Variants in ANTXR2 observed in about 807,000 individuals in gnomAD.
The protein encoded by ANTXR2 is ANTXR cell adhesion molecule 2.
In ANTXR2, 44 loss-of-function variants were observed where a neutral mutation model predicts 73.7. The ratio of observed to expected loss-of-function variants is 0.60; its 90% CI spans 0.47 to 0.77. The LOEUF is 0.77. Among genes scored for constraint, ANTXR2 ranks in the 30% least tolerant of loss-of-function variants. ANTXR2 has a pLI of 0.00. For synonymous variants in ANTXR2, 217 were observed against 205.9 expected (o/e 1.05, Z -0.46); for missense variants, 604 against 592.5 (o/e 1.02, Z -0.20).
Position 80,033,646 on chromosome 4 carries a change from T to C in ANTXR2, c.698-76A>G, listed in dbSNP as rs934349022. On this transcript the variant is annotated intron_variant, in intron 8 of 16. Transcript: ENST00000403729. ...TAAAAAACACAAGCTGAAATGAAAGTATTAAGGTGCAAAGAATAATTTTTT... is the reference window on the plus strand; with the variant it reads ...TAAAAAACACAAGCTGAAATGAAAGCATTAAGGTGCAAAGAATAATTTTTT... 19 of 1,078,822 alleles carry C rather than the reference T, an allele frequency of 1.8e-5. No homozygotes were observed. The African/African-American group carries it at 2.3e-4, about 13-fold the overall frequency. The allele number at this position is 1,078,822 out of a possible 1,614,324, so 66.8% of individuals were successfully genotyped here. A position where few individuals can be genotyped will look rare whatever the true frequency, so the allele number is the denominator to read the frequency against.
At chr4:79,973,424 T>A (rs1363170862) in intron 16 of ANTXR2, among the ~76,000 whole-genome samples, 1 of 58,088 alleles carries the variant, frequency 1.7e-5, no homozygotes, top group Non-Finnish European at 5.5e-5. Context: ...TAAATTTGGA[T>A]TTTTTTTTTT....
intron 16 of ANTXR2, among the ~76,000 whole-genome samples, chr4:79,948,527 A>G (rs139347550): frequency 1.3e-5 from 2 of 152,344 alleles, no homozygotes; most frequent in African/African-American, 2.4e-5. Flanking sequence ...ACAGATGCCT[A>G]TGAATAGGGT....
chr4:79,943,707 C>A, intron 16 of ANTXR2, among the ~76,000 whole-genome samples: 2 of 142,604 alleles, frequency 1.4e-5, no homozygotes, highest in Admixed American at 7.0e-5. Flanking sequence ...GCACAATGTG[C>A]ACATGTACCC....
Position 79,905,511 on chromosome 4 carries a change from T to G in ANTXR2, c.*1918A>C, listed in dbSNP as rs1726866907. 1 of 152,228 alleles carries G rather than the reference T, an allele frequency of 6.6e-6. No homozygotes were observed. Among genetic ancestry groups the G allele is most frequent in the Non-Finnish European group, 1.5e-5 (1 of 68,026 alleles). The allele number at this position is 152,228 out of a possible 1,614,324, so 9.4% of individuals were successfully genotyped here. ...CATCCCTGAAACTAAGCATAACAAC[T>G]GCATATTCAACCCAAGAAGGCATTA... On this transcript the variant is annotated 3_prime_UTR_variant, in exon 17 of 17. Transcript: ENST00000403729.
intron 16 of ANTXR2, among the ~76,000 whole-genome samples, chr4:79,933,631 A>G (rs887142409): frequency 6.6e-6 from 1 of 151,364 alleles, no homozygotes; most frequent in East Asian, 2.0e-4. Flanking sequence ...TACATGTGCC[A>G]TGTTGGTGTG....
chr4:80,052,913 C>T (rs899609591), intron 7 of ANTXR2, among the ~76,000 whole-genome samples: 1 of 151,362 alleles, frequency 6.6e-6, no homozygotes, highest in Non-Finnish European at 1.5e-5. Flanking sequence ...TAGTTATTAC[C>T]CATAAAAATA....
chr4:79,981,762 T>A (rs1399822588), intron 14 of ANTXR2, among the ~76,000 whole-genome samples: 1 of 152,202 alleles, frequency 6.6e-6, no homozygotes, highest in Non-Finnish European at 1.5e-5. Context: ...TTCATTCTCA[T>A]TCTCATTTCC....
At chr4:79,963,385 T>A (rs1729221711) in intron 16 of ANTXR2, among the ~76,000 whole-genome samples, 1 of 152,142 alleles carries the variant, frequency 6.6e-6, no homozygotes, top group African/African-American at 2.4e-5. Context: ...TGCTGTAGAT[T>A]TAAAAAATTG....
chr4:79,907,303 G>A lies in ANTXR2; in HGVS notation c.*126C>T, dbSNP rs1485220028. 5.9e-6 allele frequency: 6 copies of A among 1,019,004 alleles called. No homozygotes were observed. Among genetic ancestry groups the A allele is most frequent in the African/African-American group, 1.7e-5 (1 of 60,536 alleles). 63.1% of individuals were successfully genotyped at this position (1,019,004 alleles called of 1,614,324 possible). A position where few individuals can be genotyped will look rare whatever the true frequency, so the allele number is the denominator to read the frequency against. On this transcript the variant is annotated 3_prime_UTR_variant, in exon 17 of 17. Coordinates refer to ENST00000403729, the MANE Select transcript of ANTXR2 (RefSeq NM_058172.6). ...GCAGAAGGCAGAGAAAACATTTCCC[G>A]ACTGAGAGGAATTAAGCTGCTCTTC...
intron 10 of ANTXR2, among the ~76,000 whole-genome samples, chr4:80,028,074 A>G (rs1732521183): frequency 6.6e-6 from 1 of 152,140 alleles, no homozygotes; most frequent in Non-Finnish European, 1.5e-5. Context: ...TGTTCATCCA[A>G]AAAAATAGAA....
At chr4:79,986,422 T>C (rs1168456605) in intron 12 of ANTXR2, among the ~76,000 whole-genome samples, 1 of 152,250 alleles carries the variant, frequency 6.6e-6, no homozygotes, top group Non-Finnish European at 1.5e-5. Flanking sequence ...TATATTACTA[T>C]GATCATGGAT....
intron 12 of ANTXR2, among the ~76,000 whole-genome samples, chr4:80,007,130 T>C (rs1332344723): frequency 6.6e-6 from 1 of 152,118 alleles, no homozygotes; most frequent in Non-Finnish European, 1.5e-5. Context: ...TGCTCTGAGA[T>C]AAAGGATTGT....
chr4:80,019,712 A>G (rs1248942181), intron 10 of ANTXR2, among the ~76,000 whole-genome samples: 1 of 152,196 alleles, frequency 6.6e-6, no homozygotes, highest in Non-Finnish European at 1.5e-5. Flanking sequence ...GCAACAAAGA[A>G]AAGAAAGGGA....
chr4:80,039,496 A>T (rs938458087), intron 7 of ANTXR2, among the ~76,000 whole-genome samples: 1 of 152,132 alleles, frequency 6.6e-6, no homozygotes, highest in African/African-American at 2.4e-5. Context: ...CACTTCTCAA[A>T]AGAAGACATA....
chr4:80,011,057 G>A (rs1316280791), intron 11 of ANTXR2, among the ~76,000 whole-genome samples: 1 of 151,982 alleles, frequency 6.6e-6, no homozygotes, highest in Non-Finnish European at 1.5e-5. Flanking sequence ...TGAGGCAGGA[G>A]AATGGCGTGA....
intron 11 of ANTXR2, among the ~76,000 whole-genome samples, chr4:80,011,283 CTAT>C (rs1731565506): frequency 1.4e-5 from 1 of 71,314 alleles, no homozygotes; most frequent in South Asian, 4.6e-4. Context: ...ATCTATCTAT[CTAT>C]CTATCTATCT....
intron 7 of ANTXR2, among the ~76,000 whole-genome samples, chr4:80,050,561 T>A (rs565061722): frequency 1.3e-4 from 20 of 151,824 alleles, no homozygotes; most frequent in Middle Eastern, 3.4e-3. Flanking sequence ...TTATCTCATT[T>A]AATTTAAAAA....
At chr4:79,954,411 A>T (rs1728816105) in intron 16 of ANTXR2, among the ~76,000 whole-genome samples, 1 of 152,156 alleles carries the variant, frequency 6.6e-6, no homozygotes, top group African/African-American at 2.4e-5. Flanking sequence ...GAGTAACATG[A>T]TACATGTTTG....
intron 12 of ANTXR2, among the ~76,000 whole-genome samples, chr4:80,003,345 G>C (rs1731145029): frequency 6.9e-6 from 1 of 144,430 alleles, no homozygotes; most frequent in African/African-American, 2.5e-5. Flanking sequence ...CTCACTCATA[G>C]GTGGGAATTG....
Sources: allele counts gnomAD v4.1 joint callset (sites outside exome capture counted in the v4.1 genomes callset), GRCh38; gene constraint gnomAD v4.1.1; transcripts MANE v1.5; gene names NCBI Gene and HGNC (gene_info 2026-07-23, HGNC 2026-07-21).